Variants in RAB11FIP2 observed in about 807,000 individuals in gnomAD.
The protein encoded by RAB11FIP2 is RAB11 family interacting protein 2.
Under a neutral mutation model 40.9 loss-of-function variants are expected in RAB11FIP2, and 16 were observed. The ratio of observed to expected loss-of-function variants is 0.39; its 90% CI spans 0.26 to 0.59. RAB11FIP2 has a LOEUF of 0.59. Among genes scored for constraint, RAB11FIP2 ranks in the 20% least tolerant of loss-of-function variants. RAB11FIP2 has a pLI of 0.53. For synonymous variants in RAB11FIP2, 228 were observed against 213.7 expected, an observed-to-expected ratio of 1.07 and a Z score of -0.58; for missense variants, 532 against 606.2, an observed-to-expected ratio of 0.88 and a Z score of 1.28.
Position 118,021,816 on chromosome 10 carries a change from T to C in RAB11FIP2, c.1266-6706A>G, listed in dbSNP as rs1846286147. ...CCAATCACTCCTTTTCCTTGTTATC[T>C]TCCTCTTCACCCTTAGGTGGGAAAC... On this transcript the variant is annotated intron_variant, in intron 3 of 4. Transcript: ENST00000355624. Among the ~76,000 whole-genome samples, 3 of 152,226 alleles carry C rather than the reference T, an allele frequency of 2.0e-5. No individual in the cohort carries two copies. The South Asian group carries it at 6.2e-4, about 32-fold the overall frequency.
intron 4 of RAB11FIP2, among the ~76,000 whole-genome samples, chr10:118,010,992 T>C (rs1278704361): frequency 6.6e-6 from 1 of 151,652 alleles, no homozygotes; most frequent in Non-Finnish European, 1.5e-5. Context: ...AGACTTTTGC[T>C]ATGGAAAATA....
intron 4 of RAB11FIP2, among the ~76,000 whole-genome samples, chr10:118,013,041 A>T (rs1424614455): frequency 1.3e-5 from 2 of 152,092 alleles, no homozygotes; most frequent in African/African-American, 4.8e-5. Context: ...CTAGTGATCT[A>T]TTTTTGCTTT....
intron 3 of RAB11FIP2, among the ~76,000 whole-genome samples, chr10:118,037,282 T>C (rs1288460295): frequency 2.0e-5 from 3 of 152,122 alleles, no homozygotes; most frequent in Non-Finnish European, 4.4e-5. Context: ...TCTTCTGGAG[T>C]ATGGTTTATA....
chr10:118,014,939 C>A (rs192753890), intron 4 of RAB11FIP2, 126 bp downstream of exon 4: 5 of 728,060 alleles, frequency 6.9e-6, no homozygotes, highest in South Asian at 2.3e-5. Flanking sequence ...AAAATTACTA[C>A]GCTAAGCTAC....
chr10:118,046,859 CCCGG>C lies in RAB11FIP2; in HGVS notation c.-700_-697del, dbSNP rs923060214. 6.6e-6 allele frequency: 1 copy of C among 152,444 alleles called. No individual in the cohort carries two copies. The highest frequency in any genetic ancestry group is 2.4e-5 in the African/African-American group (1 of 41,388). The allele number at this position is 152,444 out of a possible 1,614,324, so 9.4% of individuals were successfully genotyped here. A position where few individuals can be genotyped will look rare whatever the true frequency, so the allele number is the denominator to read the frequency against. ...GCTGCGGGCGCTTGGTTCGGCCTGG[CCCGG>C]CCGGCGGCTCCTAACACCGGGCGGG... On this transcript the variant is annotated 5_prime_UTR_variant, in exon 1 of 5. Transcript: ENST00000355624.
intron 3 of RAB11FIP2, among the ~76,000 whole-genome samples, chr10:118,026,224 A>G (rs1255530764): frequency 1.3e-5 from 2 of 152,226 alleles, no homozygotes; most frequent in Admixed American, 1.3e-4. Context: ...CTGTAAGTAC[A>G]AGAGATACTA....
intron 3 of RAB11FIP2, among the ~76,000 whole-genome samples, chr10:118,026,784 T>C (rs57214589): frequency 0.023 from 3,553 of 152,276 alleles, 133 homozygotes; most frequent in African/African-American, 0.081. Context: ...TTCACCATAA[T>C]AGCTTTGCCT....
At chr10:118,016,094 G>A (rs1029412654) in intron 3 of RAB11FIP2, among the ~76,000 whole-genome samples, 9 of 152,162 alleles carry the variant, frequency 5.9e-5, no homozygotes, top group Non-Finnish European at 8.8e-5. Context: ...CTGTAATTAC[G>A]TGTACAAATC....
intron 3 of RAB11FIP2, among the ~76,000 whole-genome samples, chr10:118,019,856 T>G (rs72831886): frequency 3.1e-4 from 47 of 150,146 alleles, no homozygotes; most frequent in Non-Finnish European, 5.6e-4. Context: ...GACTTGGGGC[T>G]TCACTTTCAT....
intron 3 of RAB11FIP2, among the ~76,000 whole-genome samples, chr10:118,019,021 TA>T (rs1000855808): frequency 5.2e-4 from 76 of 144,812 alleles, no homozygotes; most frequent in Admixed American, 4.8e-4. Flanking sequence ...TTGCAAAGAT[TA>T]AAAAAAAAAA....
intron 1 of RAB11FIP2, among the ~76,000 whole-genome samples, chr10:118,041,322 T>C (rs1846555930): frequency 6.6e-6 from 1 of 152,044 alleles, no homozygotes; most frequent in Non-Finnish European, 1.5e-5. Flanking sequence ...ACTGTGACAA[T>C]ACCAAATAAA....
intron 3 of RAB11FIP2, among the ~76,000 whole-genome samples, chr10:118,024,240 T>C (rs1846315231): frequency 2.0e-5 from 3 of 152,174 alleles, no homozygotes; most frequent in Admixed American, 2.0e-4. Flanking sequence ...AATATTCTAA[T>C]ACATAAGAAT....
rs202012430 is a variant in RAB11FIP2, at chr10:118,040,188, C to T, written c.731G>A (p.Gly244Asp). ...GAGAAGATGTGTTTGACCTATGGTG[C>T]CAGCCTTCAGTTTCTCAGAAGACAT... Reference protein sequence around the residue: ...SHMSSEKLKAGTIGQTHLLGH... With the variant: ...SHMSSEKLKADTIGQTHLLGH... The change falls in exon 2 of 5, where the codon GGC becomes GAC. Residue 244 changes from glycine to aspartate, a missense_variant. Transcript: ENST00000355624. 2 of 1,613,790 alleles carry T rather than the reference C, an allele frequency of 1.2e-6. No individual in the cohort carries two copies. Among genetic ancestry groups the T allele is most frequent in the East Asian group, 2.2e-5 (1 of 44,864 alleles).
intron 3 of RAB11FIP2, among the ~76,000 whole-genome samples, chr10:118,033,360 G>A (rs1452511500): frequency 6.6e-6 from 1 of 152,124 alleles, no homozygotes; most frequent in Non-Finnish European, 1.5e-5. Flanking sequence ...CTGAGGTCAT[G>A]CACAAATCTA....
At chr10:118,026,881 A>G (rs1372961146) in intron 3 of RAB11FIP2, among the ~76,000 whole-genome samples, 1 of 152,234 alleles carries the variant, frequency 6.6e-6, no homozygotes, top group African/African-American at 2.4e-5. Flanking sequence ...ATTGCTGAAT[A>G]TATGTCTTGA....
chr10:118,026,737 A>G (rs931932527), intron 3 of RAB11FIP2, among the ~76,000 whole-genome samples: 12 of 152,238 alleles, frequency 7.9e-5, no homozygotes, highest in African/African-American at 2.4e-4. Flanking sequence ...TATTAGTACT[A>G]TGAAAGAATT....
intron 1 of RAB11FIP2, among the ~76,000 whole-genome samples, chr10:118,041,986 G>A (rs1195570346): frequency 1.3e-5 from 2 of 152,016 alleles, no homozygotes; most frequent in Admixed American, 6.6e-5. Context: ...AAATGACAGC[G>A]ATTTCTGTGA....
At chr10:118,040,767 A>G (rs1846548539) in intron 1 of RAB11FIP2, among the ~76,000 whole-genome samples, 2 of 152,166 alleles carry the variant, frequency 1.3e-5, no homozygotes, top group Non-Finnish European at 2.9e-5. Flanking sequence ...GTGATGTAAC[A>G]TATACTGAAG....
Position 118,046,019 on chromosome 10 carries a change from T to C in RAB11FIP2, c.145A>G (p.Thr49Ala), listed in dbSNP as rs1353797526. 1 of 1,614,084 alleles carries C rather than the reference T, an allele frequency of 6.2e-7. No individual in the cohort carries two copies. ...TCAAGGGTTTTCTCAGCTACAGAGG[T>C]GGAGTACTTTTCCTTGCCCAGCTGA... is the stretch of plus-strand genomic sequence containing the variant. ...IIQLGKEKYS[T>A]SVAEKTLEPV... Residue 49 changes from threonine to alanine, a missense_variant, in exon 1 of 5, where the codon ACC (threonine) becomes GCC (alanine). Coordinates refer to ENST00000355624, the MANE Select transcript of RAB11FIP2 (RefSeq NM_014904.3).
Sources: allele counts gnomAD v4.1 joint callset (sites outside exome capture counted in the v4.1 genomes callset), GRCh38; gene constraint gnomAD v4.1.1; transcripts MANE v1.5; gene names NCBI Gene and HGNC (gene_info 2026-07-23, HGNC 2026-07-21).